The following GALNT13 variants were observed in gnomAD, a reference collection of about 807,000 sequenced individuals.
The protein encoded by GALNT13 is UDP-GalNAc:polypeptide N-acetylgalactosaminyltransferase 13.
A neutral mutation model predicts 64.2 loss-of-function variants in GALNT13; 28 were observed. The ratio of observed to expected loss-of-function variants is 0.44; its 90% CI spans 0.32 to 0.60. GALNT13 has a LOEUF of 0.60. GALNT13 is among the 20% of genes least tolerant of loss of function. The pLI, the probability that GALNT13 is intolerant of heterozygous loss-of-function variation, is 0.05. For synonymous variants in GALNT13, 214 were observed against 224.6 expected, an observed-to-expected ratio of 0.95 and a Z score of 0.42; for missense variants, 577 against 669.8, an observed-to-expected ratio of 0.86 and a Z score of 1.53.
At chr2:154,339,812 T>C (rs1695657158) in intron 9 of GALNT13, among the ~76,000 whole-genome samples, 1 of 152,116 alleles carries the variant, frequency 6.6e-6, no homozygotes, top group African/African-American at 2.4e-5. Context: ...TTTCTCTCTC[T>C]GTATATGACA....
intron 3 of GALNT13, among the ~76,000 whole-genome samples, chr2:154,106,371 T>C (rs1476875075): frequency 6.6e-6 from 1 of 152,150 alleles, no homozygotes; most frequent in Non-Finnish European, 1.5e-5. Flanking sequence ...GTCAGATCTT[T>C]ATCTAGGTTT....
chr2:154,088,346 A>G (rs1438562858), intron 3 of GALNT13, among the ~76,000 whole-genome samples: 1 of 152,164 alleles, frequency 6.6e-6, no homozygotes, highest in Non-Finnish European at 1.5e-5. Context: ...AACTCTCTAT[A>G]GTGTGTATTT....
At chr2:153,520,195 A>G in the GALNT13 span, among the ~76,000 whole-genome samples, 2 of 152,184 alleles carry the variant, frequency 1.3e-5, no homozygotes, top group African/African-American at 2.4e-5. Flanking sequence ...TTGCACATAT[A>G]ATTTTTATTT....
intron 3 of GALNT13, among the ~76,000 whole-genome samples, chr2:154,049,463 GTATA>G (rs946798549): frequency 2.1e-5 from 3 of 142,006 alleles, no homozygotes; most frequent in African/African-American, 7.6e-5. Flanking sequence ...ATATATAATG[GTATA>G]TATATATTTC....
At chr2:153,905,058 A>G (rs1020313774) in intron 2 of GALNT13, among the ~76,000 whole-genome samples, 1 of 151,928 alleles carries the variant, frequency 6.6e-6, no homozygotes, top group African/African-American at 2.4e-5. Flanking sequence ...TACTTTTTAA[A>G]TATTCTTAAT....
At chr2:154,045,551 T>A (rs1408891447) in intron 3 of GALNT13, among the ~76,000 whole-genome samples, 3 of 152,320 alleles carry the variant, frequency 2.0e-5, no homozygotes, top group African/African-American at 2.4e-5. Context: ...TCTCTTTGTT[T>A]CTGCTAACCT....
chr2:154,072,045 A>C (rs1700764640), intron 3 of GALNT13, among the ~76,000 whole-genome samples: 1 of 152,146 alleles, frequency 6.6e-6, no homozygotes, highest in Admixed American at 6.6e-5. Flanking sequence ...AAGGAAGAGG[A>C]AATTTGCTGA....
the GALNT13 span, among the ~76,000 whole-genome samples, chr2:153,785,454 A>G: frequency 1.3e-5 from 2 of 152,158 alleles, no homozygotes; most frequent in Admixed American, 1.3e-4. Context: ...TGAGGCGACT[A>G]TGGACTGGAG....
chr2:153,452,329 A>C, the GALNT13 span, among the ~76,000 whole-genome samples: 1 of 152,078 alleles, frequency 6.6e-6, no homozygotes, highest in Non-Finnish European at 1.5e-5. Context: ...AAAAATACAA[A>C]AATTAGCTGG....
At chr2:154,032,321 A>C (rs1439775904) in intron 3 of GALNT13, among the ~76,000 whole-genome samples, 1 of 152,076 alleles carries the variant, frequency 6.6e-6, no homozygotes. Context: ...CTGTAGGCTC[A>C]GATAGATTAA....
intron 2 of GALNT13, among the ~76,000 whole-genome samples, chr2:153,916,970 T>A (rs1357691704): frequency 1.3e-5 from 2 of 152,210 alleles, no homozygotes; most frequent in Non-Finnish European, 2.9e-5. Context: ...GATAAGAATT[T>A]AAAGGTTTCT....
the GALNT13 span, among the ~76,000 whole-genome samples, chr2:153,586,933 G>C: frequency 6.6e-6 from 1 of 151,066 alleles, no homozygotes; most frequent in African/African-American, 2.4e-5. Flanking sequence ...AATGATCATT[G>C]GGTCAATAAA....
the GALNT13 span, among the ~76,000 whole-genome samples, chr2:153,103,936 A>G: frequency 6.6e-6 from 1 of 152,164 alleles, no homozygotes; most frequent in Non-Finnish European, 1.5e-5. Context: ...GCCTTATACA[A>G]ACCCTCTAAT....
the GALNT13 span, among the ~76,000 whole-genome samples, chr2:153,568,494 T>G: frequency 6.6e-6 from 1 of 152,360 alleles, no homozygotes; most frequent in Non-Finnish European, 1.5e-5. Context: ...TGATACTGGT[T>G]TGTTAGAGTG....
At chr2:153,668,721 C>A in the GALNT13 span, among the ~76,000 whole-genome samples, 1 of 152,068 alleles carries the variant, frequency 6.6e-6, no homozygotes, top group South Asian at 2.1e-4. Context: ...GCGACCCACA[C>A]GTATCACAGA....
the GALNT13 span, among the ~76,000 whole-genome samples, chr2:153,357,086 GCGTGAGCCAC>G: frequency 6.6e-6 from 1 of 152,028 alleles, no homozygotes; most frequent in Non-Finnish European, 1.5e-5. Context: ...GGGATTACAG[GCGTGAGCCAC>G]CGTGCCCGAC....
intron 4 of GALNT13, among the ~76,000 whole-genome samples, chr2:154,234,784 T>C (rs1024547340): frequency 9.9e-5 from 15 of 152,120 alleles, no homozygotes; most frequent in African/African-American, 3.6e-4. Flanking sequence ...CAACCCCTTA[T>C]TAACAATATT....
the GALNT13 span, among the ~76,000 whole-genome samples, chr2:153,575,890 C>T: frequency 6.6e-6 from 1 of 152,140 alleles, no homozygotes; most frequent in African/African-American, 2.4e-5. Context: ...CAGAGGCTTA[C>T]TTAAGGCCCT....
chr2:154,086,316 TTA>T (rs1051410597), intron 3 of GALNT13, among the ~76,000 whole-genome samples: 3 of 87,118 alleles, frequency 3.4e-5, no homozygotes, highest in African/African-American at 1.1e-4. Flanking sequence ...AAATATATAA[TTA>T]TATGTTATAC....
Sources: gnomAD v4.1 joint callset for allele counts (sites outside exome capture counted in the v4.1 genomes callset) on GRCh38, gnomAD v4.1.1 for gene constraint, MANE v1.5 for transcripts, NCBI Gene and HGNC (gene_info 2026-07-23, HGNC 2026-07-21) for gene names.